EFHC1: variants seen among roughly 807,000 people sequenced by gnomAD.
EFHC1 encodes EF-hand domain-containing protein 1.
EFHC1 carries 53 observed loss-of-function variants against 69.9 expected under a neutral mutation model. That is an observed-to-expected ratio of 0.76 (90% confidence interval 0.61 to 0.95). The LOEUF (loss-of-function observed/expected upper bound fraction) is 0.95, where lower values mean the gene tolerates loss of function less well. Among genes scored for constraint, EFHC1 ranks in the 40% least tolerant of loss-of-function variants. The pLI is 0.00. For missense variants in EFHC1, 739 were observed against 798.7 expected, an observed-to-expected ratio of 0.93 and a Z score of 0.90; for synonymous variants, 256 against 278.4, an observed-to-expected ratio of 0.92 and a Z score of 0.80.
intron 3 of EFHC1, among the ~76,000 whole-genome samples, chr6:52,450,080 G>A (rs1764881870): frequency 6.6e-6 from 1 of 152,130 alleles, no homozygotes; most frequent in African/African-American, 2.4e-5. Context: ...TCATTCAGGA[G>A]CAGGTTGTTT....
chr6:52,424,988 A>G lies in EFHC1; in HGVS notation c.285+821A>G, dbSNP rs114760731. Among the ~76,000 whole-genome samples the G allele has an allele frequency of 3.0e-3, 459 of 152,202 alleles. 2 individuals are homozygous for G. The highest frequency in any genetic ancestry group is 4.8e-3 in the Non-Finnish European group (324 of 68,002). Reference sequence around the variant, plus strand: ...CTTTTCTTGTCTTAATTTTTATTTTATTATTCCTGTTAAATGTCTATAACA... The same window carrying G: ...CTTTTCTTGTCTTAATTTTTATTTTGTTATTCCTGTTAAATGTCTATAACA... On this transcript the variant is annotated intron_variant, in intron 2 of 10. Transcript: ENST00000371068.
At position 52,465,083 on chromosome 6, in the gene EFHC1, G is replaced by C; in HGVS notation, c.1105G>C (p.Val369Leu). ...AATCACTGATTTACCACGTATTGAT[G>C]TGAGCAAGCGGGAACCACCTCCAGT... The part of the protein sequence containing the change: ...FGITDLPRID[V>L]SKREPPPVKQ... The change falls in exon 6 of 11, where the codon GTG becomes CTG. Residue 369 changes from valine (V) to leucine (L), a missense_variant. Val to Leu is a conservative substitution (Grantham distance 32). Transcript: ENST00000371068. 1 of 1,613,974 alleles carries C rather than the reference G, an allele frequency of 6.2e-7. No homozygotes were observed. The highest frequency in any genetic ancestry group is 2.2e-5 in the East Asian group (1 of 44,876).
chr6:52,426,056 G>A (rs1040023986), intron 2 of EFHC1, among the ~76,000 whole-genome samples: 1 of 151,948 alleles, frequency 6.6e-6, no homozygotes, highest in Non-Finnish European at 1.5e-5. Context: ...TCATCTTCAA[G>A]TTTCATATTA....
At chr6:52,455,559 C>T (rs1002014483) in intron 5 of EFHC1, among the ~76,000 whole-genome samples, 12 of 151,716 alleles carry the variant, frequency 7.9e-5, no homozygotes, top group Non-Finnish European at 1.5e-4. Flanking sequence ...GAGGCTGAGG[C>T]AGGAGAATTG....
At chr6:52,464,225 T>C (rs77513338) in intron 5 of EFHC1, among the ~76,000 whole-genome samples, 4 of 152,218 alleles carry the variant, frequency 2.6e-5, no homozygotes, top group African/African-American at 9.6e-5. Context: ...GCAAGATTGA[T>C]TCTACATTTG....
At chr6:52,459,682 TTTG>T (rs1765119250) in intron 5 of EFHC1, among the ~76,000 whole-genome samples, 1 of 152,114 alleles carries the variant, frequency 6.6e-6, no homozygotes, top group South Asian at 2.1e-4. Context: ...TGTTTGTTTG[TTTG>T]TTTTTTTGAG....
chr6:52,458,221 G>C (rs1765086683), intron 5 of EFHC1, among the ~76,000 whole-genome samples: 1 of 152,046 alleles, frequency 6.6e-6, no homozygotes, highest in Non-Finnish European at 1.5e-5. Flanking sequence ...ACCCCAAATG[G>C]ATCATAGACC....
At chr6:52,469,903 A>G (rs1182837327) in intron 7 of EFHC1, among the ~76,000 whole-genome samples, 1 of 152,136 alleles carries the variant, frequency 6.6e-6, no homozygotes, top group African/African-American at 2.4e-5. Flanking sequence ...TTGAGAGGTT[A>G]TGTGACTAAT....
At chr6:52,482,977 AG>A (rs796853955) in intron 9 of EFHC1, 9 of 396,950 alleles carry the variant, frequency 2.3e-5, no homozygotes, top group African/African-American at 1.6e-4. Flanking sequence ...TGTAAAATAA[AG>A]TTTGTGTATC....
At chr6:52,452,595 C>A in intron 3 of EFHC1, 93 bp from the exon 4 acceptor site, 1 of 1,445,996 alleles carries the variant, frequency 6.9e-7, no homozygotes, top group Non-Finnish European at 9.6e-7. Flanking sequence ...AGCCACAGTG[C>A]CTGGCCCATA....
chr6:52,465,842 A>AAT (rs1352751853), intron 6 of EFHC1, among the ~76,000 whole-genome samples: 1 of 148,130 alleles, frequency 6.8e-6, no homozygotes, highest in Admixed American at 6.8e-5. Flanking sequence ...ATATCTATAT[A>AAT]ATATATATAA....
At chr6:52,456,588 C>T (rs547030095) in intron 5 of EFHC1, among the ~76,000 whole-genome samples, 1 of 152,104 alleles carries the variant, frequency 6.6e-6, no homozygotes, top group Non-Finnish European at 1.5e-5. Context: ...CATGGAGAGG[C>T]AGCCTGGTGG....
At chr6:52,482,667 C>A (rs550972181) in intron 9 of EFHC1, 1 of 395,298 alleles carries the variant, frequency 2.5e-6, no homozygotes, top group East Asian at 3.6e-5. Flanking sequence ...ATGTCTTAGA[C>A]TTCCTTTAAT....
rs1015337959 is a variant in EFHC1 at position 52,496,417 on chromosome 6, G to A, written c.*4076G>A. 6.6e-6 allele frequency: 1 copy of A among 152,120 alleles called. No individual in the cohort carries two copies. Among genetic ancestry groups the A allele is most frequent in the African/African-American group, 2.4e-5 (1 of 41,396 alleles). The allele number at this position is 152,120 out of a possible 1,614,324, so 9.4% of individuals were successfully genotyped here. Reference sequence around the variant, plus strand: ...GCCTGTACCTTGTCTGCACCATCAGGGGGCCTTGAAAATACCATCCAATTA... The same window carrying A: ...GCCTGTACCTTGTCTGCACCATCAGAGGGCCTTGAAAATACCATCCAATTA... On this transcript the variant is annotated 3_prime_UTR_variant, in exon 11 of 11. Coordinates refer to ENST00000371068, the MANE Select transcript of EFHC1 (RefSeq NM_018100.4).
At chr6:52,454,435 C>T (rs779607041) in intron 5 of EFHC1, 148 bp downstream of exon 5, 37 of 975,946 alleles carry the variant, frequency 3.8e-5, no homozygotes, top group Non-Finnish European at 5.7e-5. Context: ...CCACAGCTTT[C>T]CTCCTTTACT....
At chr6:52,461,835 TTTGA>T (rs1318046264) in intron 5 of EFHC1, among the ~76,000 whole-genome samples, 5 of 152,202 alleles carry the variant, frequency 3.3e-5, no homozygotes, top group African/African-American at 9.6e-5. Context: ...GGCAAAAAGC[TTTGA>T]TTGAGATGAA....
At chr6:52,455,681 G>T (rs1213019650) in intron 5 of EFHC1, among the ~76,000 whole-genome samples, 2 of 152,006 alleles carry the variant, frequency 1.3e-5, no homozygotes, top group African/African-American at 4.8e-5. Context: ...GAAATTTCAG[G>T]TATTGAGCAA....
chr6:52,471,078 A>G (rs533417576), intron 7 of EFHC1, among the ~76,000 whole-genome samples: 1 of 152,372 alleles, frequency 6.6e-6, no homozygotes, highest in Non-Finnish European at 1.5e-5. Flanking sequence ...TCACAGAGCA[A>G]GAACCAGGGG....
chr6:52,464,568 C>T (rs77208043), intron 5 of EFHC1, among the ~76,000 whole-genome samples: 3 of 152,150 alleles, frequency 2.0e-5, no homozygotes, highest in Non-Finnish European at 4.4e-5. Context: ...AGACCTAGGA[C>T]TTTATACTTA....
Sources: allele counts gnomAD v4.1 joint callset (sites outside exome capture counted in the v4.1 genomes callset), GRCh38; gene constraint gnomAD v4.1.1; transcripts MANE v1.5; gene names NCBI Gene and HGNC (gene_info 2026-07-23, HGNC 2026-07-21).